SV2C: variants seen among roughly 807,000 people sequenced by gnomAD.
SV2C encodes the protein solute carrier family 22 member B3.
Under a neutral mutation model 79.7 loss-of-function variants are expected in SV2C, and 49 were observed. That is an observed-to-expected ratio of 0.61 (90% CI 0.49 to 0.78). The LOEUF is 0.78. Among genes scored for constraint, SV2C ranks in the 30% least tolerant of loss-of-function variants. The pLI is 0.00. For missense variants in SV2C, 833 were observed against 912.9 expected, an observed-to-expected ratio of 0.91 and a Z score of 1.13; for synonymous variants, 334 against 333.2, an observed-to-expected ratio of 1.00 and a Z score of -0.03.
chr5:76,269,082 C>A (rs748359010), intron 4 of SV2C, among the ~76,000 whole-genome samples: 2 of 152,334 alleles, frequency 1.3e-5, no homozygotes, highest in East Asian at 3.9e-4. Flanking sequence ...AGCAAGATTT[C>A]TCCTCCTAGG....
At position 76,180,158 on chromosome 5, in the gene SV2C, A is replaced by G. The variant is rs561668638; in HGVS notation, c.581-14761A>G. The stretch of plus-strand genomic sequence containing the variant: ...CCTCCAGGCCTTTCTGTTGCTGTAC[A>G]ATATCAAAAGATTTAATATGAACAT... On this transcript the variant is annotated intron_variant, in intron 2 of 12. Coordinates refer to ENST00000502798, the MANE Select transcript of SV2C (RefSeq NM_014979.4). 7.9e-5 allele frequency among the ~76,000 whole-genome samples: 12 copies of G among 152,310 alleles called. No homozygotes were observed. The South Asian group carries it at 1.9e-3, about 24-fold the overall frequency.
chr5:75,975,899 G>T, the SV2C span, among the ~76,000 whole-genome samples: 1 of 152,144 alleles, frequency 6.6e-6, no homozygotes, highest in African/African-American at 2.4e-5. Context: ...GGCAAAGAGA[G>T]AAGAAGCAGA....
intron 4 of SV2C, among the ~76,000 whole-genome samples, chr5:76,263,906 G>C (rs1182831547): frequency 6.6e-6 from 1 of 152,044 alleles, no homozygotes; most frequent in East Asian, 1.9e-4. Flanking sequence ...TTGTGTCCTG[G>C]GGTTGCTGGT....
chr5:76,301,362 G>T, intron 11 of SV2C, 24 bp from the exon 12 acceptor site: 1 of 1,612,708 alleles, frequency 6.2e-7, no homozygotes, highest in African/African-American at 1.3e-5. Flanking sequence ...AAACATTCCA[G>T]CCTTTTGTCT....
intron 4 of SV2C, among the ~76,000 whole-genome samples, chr5:76,243,069 A>C (rs1745842131): frequency 6.6e-6 from 1 of 151,000 alleles, no homozygotes; most frequent in Non-Finnish European, 1.5e-5. Flanking sequence ...AAAGAAAACG[A>C]AGATAGTGGC....
chr5:76,036,734 C>T, the SV2C span, among the ~76,000 whole-genome samples: 1 of 152,130 alleles, frequency 6.6e-6, no homozygotes, highest in African/African-American at 2.4e-5. Flanking sequence ...TGGAGTTGCT[C>T]TTCTCGAGGA....
At chr5:75,925,496 C>A in the SV2C span, among the ~76,000 whole-genome samples, 1 of 152,160 alleles carries the variant, frequency 6.6e-6, no homozygotes, top group Non-Finnish European at 1.5e-5. Context: ...CTCATGGGCA[C>A]TCCTTCAGGA....
the SV2C span, among the ~76,000 whole-genome samples, chr5:76,000,427 GCATAATGCTGGGCCTGCCT>G: frequency 3.9e-5 from 6 of 152,064 alleles, no homozygotes; most frequent in South Asian, 2.1e-4. Context: ...CTGTGAACCT[GCATAATGCTGGGCCTGCCT>G]CATAATGCTG....
At chr5:75,964,665 A>C in the SV2C span, among the ~76,000 whole-genome samples, 2 of 152,230 alleles carry the variant, frequency 1.3e-5, no homozygotes, top group South Asian at 2.1e-4. Context: ...GGGTTTCTTT[A>C]CCAGATTCTA....
chr5:76,176,401 C>G (rs1190526238), intron 2 of SV2C, among the ~76,000 whole-genome samples: 1 of 152,140 alleles, frequency 6.6e-6, no homozygotes, highest in African/African-American at 2.4e-5. Context: ...AATTTATGTC[C>G]TTGTGCTCTT....
chr5:75,918,892 T>C, the SV2C span, among the ~76,000 whole-genome samples: 1 of 152,218 alleles, frequency 6.6e-6, no homozygotes, highest in East Asian at 1.9e-4. Context: ...AATATGAACA[T>C]GTTTCAGTTC....
At chr5:75,994,111 C>A in the SV2C span, among the ~76,000 whole-genome samples, 2 of 151,982 alleles carry the variant, frequency 1.3e-5, no homozygotes, top group Non-Finnish European at 2.9e-5. Context: ...AATTTTAATG[C>A]CTCAAATAGG....
chr5:76,134,845 A>G (rs1749015309), intron 2 of SV2C, among the ~76,000 whole-genome samples: 1 of 152,246 alleles, frequency 6.6e-6, no homozygotes, highest in Non-Finnish European at 1.5e-5. Flanking sequence ...GCCAAAGTCT[A>G]TTTATTAAGC....
chr5:76,304,943 CT>C (rs1267865251), intron 12 of SV2C, among the ~76,000 whole-genome samples: 1 of 152,158 alleles, frequency 6.6e-6, no homozygotes, highest in Non-Finnish European at 1.5e-5. Context: ...GTTCTGCAGA[CT>C]ATACAGGAAG....
At chr5:76,288,634 T>G (rs1285869913) in intron 6 of SV2C, among the ~76,000 whole-genome samples, 1 of 152,228 alleles carries the variant, frequency 6.6e-6, no homozygotes, top group Non-Finnish European at 1.5e-5. Flanking sequence ...CCTACTTACC[T>G]GCCTTTTCTT....
chr5:76,155,382 T>C lies in SV2C; in HGVS notation c.580+23052T>C. Among the ~76,000 whole-genome samples, 2 of 152,118 alleles carry C rather than the reference T, an allele frequency of 1.3e-5. 1 individual carries two copies. The highest frequency in any genetic ancestry group is 3.8e-4 in the East Asian group (2 of 5,200). ...TTTGAAGCAAGACCTCCACTTTTCTTCCCCCACTCCAAACTCAGAGAGATG... is the reference window on the plus strand; with the variant it reads ...TTTGAAGCAAGACCTCCACTTTTCTCCCCCCACTCCAAACTCAGAGAGATG... On this transcript the variant is annotated intron_variant, in intron 2 of 12. Transcript: ENST00000502798.
At chr5:76,168,267 G>A (rs922226541) in intron 2 of SV2C, among the ~76,000 whole-genome samples, 1 of 152,026 alleles carries the variant, frequency 6.6e-6, no homozygotes, top group African/African-American at 2.4e-5. Context: ...GCCTTCACTG[G>A]CCTTCCCCGA....
intron 8 of SV2C, among the ~76,000 whole-genome samples, chr5:76,292,236 C>T (rs542969054): frequency 1.2e-4 from 19 of 152,228 alleles, no homozygotes; most frequent in African/African-American, 4.3e-4. Context: ...GCTTTCCCCT[C>T]CAGACATCTG....
chr5:76,086,046 G>A (rs1747185275), intron 1 of SV2C, among the ~76,000 whole-genome samples: 1 of 152,108 alleles, frequency 6.6e-6, no homozygotes, highest in South Asian at 2.1e-4. Context: ...TGAGTGTTTT[G>A]TTCATGTAGT....
Sources: allele counts gnomAD v4.1 joint callset (sites outside exome capture counted in the v4.1 genomes callset), GRCh38; gene constraint gnomAD v4.1.1; transcripts MANE v1.5; gene names NCBI Gene and HGNC (gene_info 2026-07-23, HGNC 2026-07-21).